Variants in GAS7 observed in about 807,000 individuals in gnomAD.
GAS7 encodes the protein growth arrest specific 7.
GAS7 carries 28 observed loss-of-function variants against 71.1 expected under a neutral mutation model. The observed-to-expected ratio is 0.39, with a 90% CI of 0.29 to 0.54. GAS7 has a LOEUF of 0.54. GAS7 is among the 20% of genes least tolerant of loss of function. GAS7 has a pLI of 0.62. For missense variants in GAS7, 436 were observed against 627.8 expected (o/e 0.69, Z 3.27); for synonymous variants, 258 against 245.8 (o/e 1.05, Z -0.46).
intron 2 of GAS7, 35 bp downstream of exon 2, chr17:10,019,742 G>T: frequency 6.3e-7 from 1 of 1,591,252 alleles, no homozygotes; most frequent in Non-Finnish European, 8.6e-7. Context: ...AATGCCAGGG[G>T]GTTGGTGCAG....
intron 1 of GAS7, among the ~76,000 whole-genome samples, chr17:10,185,886 G>A (rs1360924362): frequency 2.0e-5 from 3 of 151,940 alleles, no homozygotes; most frequent in Non-Finnish European, 4.4e-5. Flanking sequence ...TGGAGTGTGA[G>A]CAGAGAGTTT....
intron 1 of GAS7, among the ~76,000 whole-genome samples, chr17:10,161,508 C>CT (rs2142119267): frequency 6.6e-6 from 1 of 152,352 alleles, no homozygotes; most frequent in Non-Finnish European, 1.5e-5. Flanking sequence ...ATCTTGTCCT[C>CT]TGACTCGAGC....
At chr17:10,134,711 ACTCTATTGAAGCCACAGGGTTATAGC>A (rs1486213957) in intron 1 of GAS7, among the ~76,000 whole-genome samples, 1 of 151,668 alleles carries the variant, frequency 6.6e-6, no homozygotes, top group African/African-American at 2.4e-5. Context: ...GAAGAAAACA[ACTCTATTGAAGCCACAGGGTTATAGC>A]CCTGTGACTA....
chr17:9,995,074 G>A (rs1896850054), intron 2 of GAS7, among the ~76,000 whole-genome samples: 1 of 152,226 alleles, frequency 6.6e-6, no homozygotes, highest in Admixed American at 6.5e-5. Context: ...GCACTGGGGA[G>A]CAGCAGGGGG....
chr17:10,038,225 G>A (rs2072793095), intron 1 of GAS7, among the ~76,000 whole-genome samples: 1 of 152,166 alleles, frequency 6.6e-6, no homozygotes, highest in Non-Finnish European at 1.5e-5. Flanking sequence ...AGTCGTGGTG[G>A]TGTATACCTG....
chr17:10,002,357 G>A (rs1424119391), intron 2 of GAS7, among the ~76,000 whole-genome samples: 6 of 151,928 alleles, frequency 3.9e-5, no homozygotes, highest in Non-Finnish European at 5.9e-5. Flanking sequence ...TCCTTGTGAT[G>A]AGGACCCCAA....
intron 2 of GAS7, among the ~76,000 whole-genome samples, chr17:10,016,313 A>C (rs1414034587): frequency 2.1e-5 from 3 of 142,042 alleles, no homozygotes; most frequent in African/African-American, 7.9e-5. Context: ...TGAACCCGGG[A>C]GGCGGAGCTT....
intron 5 of GAS7, among the ~76,000 whole-genome samples, chr17:9,951,890 C>T (rs1331389489): frequency 6.6e-6 from 1 of 151,936 alleles, no homozygotes; most frequent in African/African-American, 2.4e-5. Flanking sequence ...CCAGAATCTT[C>T]CTGAGTTGAC....
At chr17:9,962,005 G>A (rs1203957214) in intron 4 of GAS7, among the ~76,000 whole-genome samples, 1 of 152,208 alleles carries the variant, frequency 6.6e-6, no homozygotes, top group Non-Finnish European at 1.5e-5. Flanking sequence ...GCTTGACGCA[G>A]AGGTCGCACC....
chr17:10,012,819 C>G (rs1255604945), intron 2 of GAS7, among the ~76,000 whole-genome samples: 2 of 151,904 alleles, frequency 1.3e-5, no homozygotes, highest in Non-Finnish European at 2.9e-5. Context: ...AAGAGAAACC[C>G]AGGCAGGGCG....
At chr17:10,087,598 C>T (rs80220943) in intron 1 of GAS7, among the ~76,000 whole-genome samples, 1,729 of 152,230 alleles carry the variant, frequency 0.011, 17 homozygotes, top group South Asian at 0.018. Context: ...GCCTTCCTTA[C>T]CACAGGGGAC....
intron 3 of GAS7, among the ~76,000 whole-genome samples, chr17:9,978,791 G>T (rs538288430): frequency 6.2e-4 from 95 of 152,292 alleles, no homozygotes; most frequent in African/African-American, 2.2e-3. Context: ...TCATGCTGAC[G>T]TAGGGAGCTG....
rs1312903392 is a variant in GAS7 at position 9,926,035 on chromosome 17, C to G, written c.1015-436G>C. Among the ~76,000 whole-genome samples the G allele has an allele frequency of 6.6e-6, 1 of 152,030 alleles. No individual in the cohort carries two copies. Among genetic ancestry groups the G allele is most frequent in the Non-Finnish European group, 1.5e-5 (1 of 67,992 alleles). On this transcript the variant is annotated intron_variant, in intron 10 of 13. Transcript: ENST00000432992. The surrounding 1 kb of genome is among the most constrained non-coding windows in gnomAD (Gnocchi z 5.0). ...CGGCCCTCTTGTTCCCCTCACTGTA[C>G]TGCCTTTCCTCCAGGCCACCACTGG...
At chr17:10,040,082 C>T (rs144181477) in intron 1 of GAS7, among the ~76,000 whole-genome samples, 326 of 152,302 alleles carry the variant, frequency 2.1e-3, no homozygotes, top group African/African-American at 5.8e-3. Flanking sequence ...TTGGACCAGG[C>T]GCTGTTCTAT....
chr17:10,103,930 C>T lies in GAS7; in HGVS notation c.184-84033G>A, dbSNP rs529084645. Among the ~76,000 whole-genome samples, 4 of 152,204 alleles carry T rather than the reference C, an allele frequency of 2.6e-5. No homozygotes were observed. The South Asian group carries it at 8.3e-4, about 32-fold the overall frequency. On this transcript the variant is annotated intron_variant, in intron 1 of 13. Transcript: ENST00000432992. The surrounding 1 kb of genome is among the most constrained non-coding windows in gnomAD (Gnocchi z 5.5). ...ATCCTATCCTACCCACATCAGAGCC[C>T]ACGCTCGCAGCCTTCCCTCCCACAA...
At chr17:10,197,664 A>AG (rs1232600767) in intron 1 of GAS7, among the ~76,000 whole-genome samples, 1 of 150,538 alleles carries the variant, frequency 6.6e-6, no homozygotes, top group Non-Finnish European at 1.5e-5. Flanking sequence ...AAGCCTGCTG[A>AG]GGGGGCTCGG....
intron 3 of GAS7, among the ~76,000 whole-genome samples, chr17:9,970,983 G>A (rs995403032): frequency 6.6e-6 from 1 of 152,186 alleles, no homozygotes; most frequent in Non-Finnish European, 1.5e-5. Flanking sequence ...CTCAGCTTCT[G>A]TACCTGTAAA....
chr17:9,973,671 G>C (rs12949586), intron 3 of GAS7, among the ~76,000 whole-genome samples: 98,859 of 152,096 alleles, frequency 0.65, 32,688 homozygotes, highest in African/African-American at 0.77. Context: ...AAAAAGAAGT[G>C]AAACCTTTGA....
At chr17:9,943,781 CGGA>C (rs1457698263) in intron 6 of GAS7, among the ~76,000 whole-genome samples, 7 of 152,226 alleles carry the variant, frequency 4.6e-5, no homozygotes, top group African/African-American at 1.7e-4. Context: ...GAAGGGAGGC[CGGA>C]GGAGAGAACA....
Sources: gnomAD v4.1 joint callset for allele counts (sites outside exome capture counted in the v4.1 genomes callset) on GRCh38, gnomAD v4.1.1 for gene constraint, Gnocchi (gnomAD v3.1) non-coding constraint, MANE v1.5 for transcripts, NCBI Gene and HGNC (gene_info 2026-07-23, HGNC 2026-07-21) for gene names.